The following HMGCLL1 variants were observed in gnomAD, a reference collection of about 807,000 sequenced individuals.
HMGCLL1 encodes 3-hydroxymethyl-3-methylglutaryl-CoA lyase, cytoplasmic.
A neutral mutation model predicts 39.1 loss-of-function variants in HMGCLL1; 36 were observed. The observed-to-expected ratio is 0.92, with a 90% CI of 0.71 to 1.22. HMGCLL1 has a LOEUF of 1.22. Among genes scored for constraint, HMGCLL1 ranks in the 50% most tolerant of loss-of-function variants. The pLI is 0.00. For missense variants in HMGCLL1, 451 were observed against 416.5 expected (o/e 1.08, Z -0.72); for synonymous variants, 149 against 144.0 (o/e 1.03, Z -0.25).
chr6:55,512,902 T>G (rs1297373543), intron 5 of HMGCLL1: 1 of 152,076 alleles, frequency 6.6e-6, no homozygotes, highest in Non-Finnish European at 1.5e-5. Flanking sequence ...TTTATAAAAT[T>G]AATAGAAAAA....
the HMGCLL1 span, among the ~76,000 whole-genome samples, chr6:55,665,124 G>A: frequency 6.6e-6 from 1 of 151,682 alleles, no homozygotes; most frequent in Non-Finnish European, 1.5e-5. Flanking sequence ...TCCCCTCCCT[G>A]CTTAGAATTT....
At chr6:55,643,793 T>A in the HMGCLL1 span, among the ~76,000 whole-genome samples, 1 of 152,056 alleles carries the variant, frequency 6.6e-6, no homozygotes, top group Non-Finnish European at 1.5e-5. Context: ...AGAATCTGCC[T>A]CTTTCTTATA....
intron 7 of HMGCLL1, among the ~76,000 whole-genome samples, chr6:55,480,850 G>A (rs551123742): frequency 5.9e-5 from 9 of 152,006 alleles, no homozygotes; most frequent in Non-Finnish European, 1.0e-4. Context: ...TGGAACTGGA[G>A]GTCATTATGT....
At chr6:55,617,877 C>T in the HMGCLL1 span, among the ~76,000 whole-genome samples, 3 of 151,824 alleles carry the variant, frequency 2.0e-5, no homozygotes, top group Non-Finnish European at 4.4e-5. Flanking sequence ...TGAACCAACC[C>T]AAATATCCAT....
the HMGCLL1 span, among the ~76,000 whole-genome samples, chr6:55,586,169 T>C: frequency 9.6e-3 from 1,467 of 152,188 alleles, 10 homozygotes; most frequent in Non-Finnish European, 0.013. Flanking sequence ...TAGGCCAGTA[T>C]GTTGATAAGT....
intron 7 of HMGCLL1, among the ~76,000 whole-genome samples, chr6:55,486,209 A>G (rs1369442641): frequency 6.6e-6 from 1 of 151,444 alleles, no homozygotes; most frequent in Non-Finnish European, 1.5e-5. Context: ...ACAAGTAAGT[A>G]TTTTTTGTGA....
the HMGCLL1 span, among the ~76,000 whole-genome samples, chr6:55,602,859 C>T: frequency 6.6e-6 from 1 of 152,016 alleles, no homozygotes; most frequent in Non-Finnish European, 1.5e-5. Flanking sequence ...AATAAAATAA[C>T]ATTTCTTGTT....
the HMGCLL1 span, among the ~76,000 whole-genome samples, chr6:55,646,349 T>C: frequency 6.6e-6 from 1 of 151,786 alleles, no homozygotes; most frequent in African/African-American, 2.4e-5. Context: ...ACTTTTTATT[T>C]CATTAATCTT....
the HMGCLL1 span, among the ~76,000 whole-genome samples, chr6:55,670,284 A>G: frequency 6.6e-6 from 1 of 151,822 alleles, no homozygotes; most frequent in Non-Finnish European, 1.5e-5. Flanking sequence ...AGAAATAAAG[A>G]TATTCTCAGA....
intron 7 of HMGCLL1, among the ~76,000 whole-genome samples, chr6:55,445,964 C>T (rs1360172459): frequency 6.6e-6 from 1 of 151,894 alleles, no homozygotes. Flanking sequence ...AATAAGGACA[C>T]TCTTACTAAA....
chr6:55,553,432 C>T (rs1215271009), intron 1 of HMGCLL1, among the ~76,000 whole-genome samples: 1 of 151,496 alleles, frequency 6.6e-6, no homozygotes, highest in Non-Finnish European at 1.5e-5. Context: ...AAGGAGACTC[C>T]GTCTCCAAAG....
At chr6:55,590,554 A>T in the HMGCLL1 span, among the ~76,000 whole-genome samples, 1 of 152,110 alleles carries the variant, frequency 6.6e-6, no homozygotes, top group African/African-American at 2.4e-5. Flanking sequence ...GACAAATGGG[A>T]TCTAATTAAA....
chr6:55,652,589 C>A, the HMGCLL1 span, among the ~76,000 whole-genome samples: 2 of 152,080 alleles, frequency 1.3e-5, no homozygotes, highest in Admixed American at 6.6e-5. Flanking sequence ...TGTGGTTCTG[C>A]AAGTGGTTTT....
chr6:55,577,326 G>A (rs775767414), intron 1 of HMGCLL1, among the ~76,000 whole-genome samples: 4 of 143,434 alleles, frequency 2.8e-5, no homozygotes, highest in Admixed American at 7.3e-5. Flanking sequence ...TAACTCTGGA[G>A]GGAGCAAAGG....
chr6:55,567,034 C>A (rs1282966302), intron 1 of HMGCLL1, among the ~76,000 whole-genome samples: 1 of 151,890 alleles, frequency 6.6e-6, no homozygotes, highest in Non-Finnish European at 1.5e-5. Context: ...TAACAGAAAA[C>A]TAAATAAAAT....
chr6:55,576,111 A>T (rs1322906752), intron 1 of HMGCLL1, among the ~76,000 whole-genome samples: 2 of 152,234 alleles, frequency 1.3e-5, no homozygotes, highest in Non-Finnish European at 2.9e-5. Flanking sequence ...ATTAAATATC[A>T]AGTAATCATG....
chr6:55,449,970 A>T (rs1374303667), intron 7 of HMGCLL1, among the ~76,000 whole-genome samples: 1 of 152,190 alleles, frequency 6.6e-6, no homozygotes, highest in East Asian at 1.9e-4. Context: ...AATTAAAAAT[A>T]AGGAAAAAAT....
In HMGCLL1 at chr6:55,434,728, A is replaced by G. The variant is rs566121712; in HGVS notation, c.*934T>C. 2.6e-5 allele frequency: 4 copies of G among 152,166 alleles called. No individual in the cohort carries two copies. The East Asian group carries it at 5.8e-4, about 22-fold the overall frequency. 9.4% of individuals were successfully genotyped at this position (152,166 alleles called of 1,614,324 possible). On this transcript the variant is annotated 3_prime_UTR_variant, in exon 9 of 9. Coordinates refer to ENST00000274901, the MANE Select transcript of HMGCLL1 (RefSeq NM_001042406.2). ...ATAACCACTAAAAAATACACCAAAAAATAATGTGGGTAAGCAAAGCACCAT... is the reference window on the plus strand; with the variant it reads ...ATAACCACTAAAAAATACACCAAAAGATAATGTGGGTAAGCAAAGCACCAT...
intron 7 of HMGCLL1, among the ~76,000 whole-genome samples, chr6:55,481,812 A>G (rs1458203567): frequency 2.0e-5 from 3 of 152,084 alleles, no homozygotes; most frequent in Non-Finnish European, 4.4e-5. Context: ...CTACCTACCT[A>G]TCTACCTACC....
Sources: gnomAD v4.1 joint callset for allele counts (sites outside exome capture counted in the v4.1 genomes callset) on GRCh38, gnomAD v4.1.1 for gene constraint, MANE v1.5 for transcripts, NCBI Gene and HGNC (gene_info 2026-07-23, HGNC 2026-07-21) for gene names.